STAB2: variants seen among roughly 807,000 people sequenced by gnomAD.
The protein encoded by STAB2 is stabilin 2, also known as stabilin-2.
A neutral mutation model predicts 338.1 loss-of-function variants in STAB2; 288 were observed. That is an observed-to-expected ratio of 0.85 (90% CI 0.77 to 0.94). The LOEUF is 0.94. Ranked by LOEUF, STAB2 falls within the 40% of genes least tolerant of loss-of-function variation. The pLI is 0.00. For synonymous variants in STAB2, 1,202 were observed against 1,193.3 expected, an observed-to-expected ratio of 1.01 and a Z score of -0.15; for missense variants, 3,141 against 3,210.1, an observed-to-expected ratio of 0.98 and a Z score of 0.52.
At chr12:103,727,064 G>A (rs1036342491) in intron 46 of STAB2, among the ~76,000 whole-genome samples, 9 of 152,110 alleles carry the variant, frequency 5.9e-5, no homozygotes, top group African/African-American at 2.2e-4. Flanking sequence ...TACAATAAAC[G>A]TGTTAATTTT....
intron 3 of STAB2, among the ~76,000 whole-genome samples, chr12:103,613,686 C>T (rs910986722): frequency 6.6e-6 from 1 of 152,100 alleles, no homozygotes; most frequent in Admixed American, 6.5e-5. Context: ...TGCACTGCAC[C>T]CACTGTCCTG....
intron 30 of STAB2, among the ~76,000 whole-genome samples, chr12:103,691,823 C>A (rs1877961882): frequency 7.0e-6 from 1 of 142,616 alleles, no homozygotes; most frequent in Admixed American, 7.8e-5. Context: ...GAGACAAGAC[C>A]AGGGTTTCCA....
chr12:103,640,380 C>A, intron 9 of STAB2, 124 bp downstream of exon 9: 1 of 1,244,392 alleles, frequency 8.0e-7, no homozygotes, highest in Non-Finnish European at 1.1e-6. Context: ...CCCCACCCCA[C>A]ATAGTAGGAG....
At chr12:103,764,418 T>C in intron 68 of STAB2, among the ~76,000 whole-genome samples, 1 of 152,182 alleles carries the variant, frequency 6.6e-6, no homozygotes, top group East Asian at 1.9e-4. Flanking sequence ...GGACCATTTA[T>C]CTCTAGAGTC....
At chr12:103,682,886 T>A (rs553035650) in intron 25 of STAB2, among the ~76,000 whole-genome samples, 2 of 152,208 alleles carry the variant, frequency 1.3e-5, no homozygotes, top group South Asian at 4.2e-4. Context: ...AGGCAGAAGT[T>A]GCAGTGAGCC....
intron 65 of STAB2, 38 bp from the exon 66 acceptor site, chr12:103,761,262 G>C (rs1884515667): frequency 1.3e-6 from 2 of 1,591,392 alleles, no homozygotes; most frequent in Non-Finnish European, 1.7e-6. Context: ...TGCCCACTCG[G>C]AGAGTAAAAG....
At chr12:103,740,462 G>A (rs1882490466) in intron 54 of STAB2, among the ~76,000 whole-genome samples, 168 bp from the exon 55 acceptor site, 1 of 152,046 alleles carries the variant, frequency 6.6e-6, no homozygotes, top group Admixed American at 6.5e-5. Context: ...TGTTTCTGTT[G>A]ACTCCCATAG....
chr12:103,686,053 T>C (rs916516175), intron 27 of STAB2, among the ~76,000 whole-genome samples: 1 of 152,192 alleles, frequency 6.6e-6, no homozygotes, highest in South Asian at 2.1e-4. Flanking sequence ...AGATGATCTT[T>C]GTCTTGTTTC....
chr12:103,604,775 C>G (rs1183319034), intron 3 of STAB2, among the ~76,000 whole-genome samples: 1 of 151,504 alleles, frequency 6.6e-6, no homozygotes, highest in African/African-American at 2.4e-5. Flanking sequence ...ATAAGTTCAT[C>G]CATTTCATTC....
intron 26 of STAB2, among the ~76,000 whole-genome samples, chr12:103,684,349 G>A (rs992982190): frequency 6.6e-5 from 10 of 152,144 alleles, no homozygotes; most frequent in Admixed American, 2.6e-4. Flanking sequence ...AGCTGCCAGG[G>A]CCCACCCCTA....
At position 103,609,517 on chromosome 12, in the gene STAB2, T is replaced by C. The variant is rs570403596; in HGVS notation, c.332-10951T>C. ...TGTTATTGGAGTATAAGAATGCTTG[T>C]GATTTTTGCACATTGATTTTGTATC... On this transcript the variant is annotated intron_variant, in intron 3 of 68. Coordinates refer to ENST00000388887, the MANE Select transcript of STAB2 (RefSeq NM_017564.10). Among the ~76,000 whole-genome samples the C allele has an allele frequency of 2.0e-5, 3 of 152,314 alleles. No homozygotes were observed. In the South Asian group the frequency reaches 6.2e-4, roughly 32 times the overall value.
chr12:103,748,922 A>T, intron 58 of STAB2, 41 bp from the exon 59 acceptor site: 1 of 1,583,296 alleles, frequency 6.3e-7, no homozygotes, highest in Non-Finnish European at 8.6e-7. Context: ...CTAGTTCCAC[A>T]GAAGGTGGTA....
Position 103,682,350 on chromosome 12 carries a change from C to T in STAB2, c.2806-855C>T, listed in dbSNP as rs185655500. Among the ~76,000 whole-genome samples the T allele has an allele frequency of 9.2e-5, 14 of 152,300 alleles. No homozygotes were observed. In the East Asian group the frequency reaches 2.1e-3, roughly 23 times the overall value. On this transcript the variant is annotated intron_variant, in intron 25 of 68. Transcript: ENST00000388887. ...AGGCCAGGGGAGGATCGAGACTGCC[C>T]TCCTGTCTAGGATTGCCCTCAGCTG...
intron 4 of STAB2, among the ~76,000 whole-genome samples, chr12:103,621,320 T>TTTTTTTTTTTTTTTTTTTGAGACGG (rs1565966251): frequency 6.6e-6 from 1 of 152,104 alleles, no homozygotes; most frequent in East Asian, 1.9e-4. Context: ...GATTTTCTTT[T>TTTTTTTTTTTTTTTTTTTGAGACGG]ACCAGTTGAA....
intron 2 of STAB2, among the ~76,000 whole-genome samples, chr12:103,593,163 AT>A (rs1288832888): frequency 4.6e-5 from 7 of 152,254 alleles, no homozygotes; most frequent in East Asian, 3.9e-4. Flanking sequence ...CCTAATTTCA[AT>A]TTTTTTGGAT....
At chr12:103,761,965 A>C (rs1281638606) in intron 66 of STAB2, among the ~76,000 whole-genome samples, 1 of 152,282 alleles carries the variant, frequency 6.6e-6, no homozygotes, top group East Asian at 1.9e-4. Flanking sequence ...AGAAGCTCCA[A>C]AGCCAGACTG....
intron 23 of STAB2, among the ~76,000 whole-genome samples, chr12:103,674,721 T>C (rs2138833534): frequency 6.6e-6 from 1 of 152,330 alleles, no homozygotes; most frequent in South Asian, 2.1e-4. Context: ...TCCAAGGCAG[T>C]AACCACCTAA....
rs139924238 is a variant in STAB2, at chr12:103,688,971, G to A, written c.3045+756G>A. 2.8e-4 allele frequency among the ~76,000 whole-genome samples: 43 copies of A among 151,486 alleles called. 1 individual carries two copies. The South Asian group carries it at 7.8e-3, about 27-fold the overall frequency. On this transcript the variant is annotated intron_variant, in intron 28 of 68. Transcript: ENST00000388887. ...AATCAGCCCTGGTGGGAGTATTTACGCCATAGAAATCAGTAAATACTACAA... is the reference window on the plus strand; with the variant it reads ...AATCAGCCCTGGTGGGAGTATTTACACCATAGAAATCAGTAAATACTACAA...
chr12:103,669,566 A>G lies in STAB2; in HGVS notation c.2198A>G (p.Tyr733Cys), dbSNP rs1321235165. The change falls in exon 21 of 69, where the codon TAT becomes TGT. Residue 733 changes from tyrosine to cysteine, a missense_variant. Physicochemically the swap from Tyr to Cys is radical, Grantham distance 194. Coordinates refer to ENST00000388887, the MANE Select transcript of STAB2 (RefSeq NM_017564.10). ...VKIPKCCKGF[Y>C]GPDCNQCPGG... Reference sequence around the variant, plus strand: ...ATTCCAAAGTGCTGCAAAGGCTTCTATGGACCTGACTGCAACCAGTGTCCA... The same window carrying G: ...ATTCCAAAGTGCTGCAAAGGCTTCTGTGGACCTGACTGCAACCAGTGTCCA... The G allele has an allele frequency of 6.8e-6, 11 of 1,614,128 alleles. No individual in the cohort carries two copies. Among genetic ancestry groups the G allele is most frequent in the Middle Eastern group, 1.6e-4 (1 of 6,084 alleles).
Sources: gnomAD v4.1 joint callset for allele counts (sites outside exome capture counted in the v4.1 genomes callset) on GRCh38, gnomAD v4.1.1 for gene constraint, MANE v1.5 for transcripts, NCBI Gene and HGNC (gene_info 2026-07-23, HGNC 2026-07-21) for gene names.